The following TMEM132C variants were observed in gnomAD, a reference collection of about 807,000 sequenced individuals.
TMEM132C encodes transmembrane protein 132C, also known as protein phosphatase 1, regulatory subunit 152.
A neutral mutation model predicts 61.4 loss-of-function variants in TMEM132C; 29 were observed. The observed-to-expected ratio is 0.47, with a 90% confidence interval of 0.35 to 0.64. The LOEUF (loss-of-function observed/expected upper bound fraction) is 0.64. TMEM132C is among the 30% of genes least tolerant of loss of function. The pLI is 0.00. For synonymous variants in TMEM132C, 656 were observed against 633.1 expected, an observed-to-expected ratio of 1.04 and a Z score of -0.54; for missense variants, 1,408 against 1,476.9, an observed-to-expected ratio of 0.95 and a Z score of 0.76.
chr12:128,520,698 G>A (rs1872878148), intron 2 of TMEM132C, among the ~76,000 whole-genome samples: 1 of 152,192 alleles, frequency 6.6e-6, no homozygotes, highest in Non-Finnish European at 1.5e-5. Context: ...AAGAATTAAA[G>A]CAAGAGGAGA....
chr12:128,377,664 G>C (rs1713616), intron 1 of TMEM132C, among the ~76,000 whole-genome samples: 145,191 of 152,294 alleles, frequency 0.95, 69,616 homozygotes, highest in East Asian at 1. Flanking sequence ...GTGTCCTGAT[G>C]GTGATGAAAA....
At chr12:128,486,907 AC>A (rs1565950565) in intron 2 of TMEM132C, among the ~76,000 whole-genome samples, 257 of 120,088 alleles carry the variant, frequency 2.1e-3, no homozygotes, top group African/African-American at 7.8e-3. Context: ...ACACACACAC[AC>A]ACACACACAC....
intron 3 of TMEM132C, among the ~76,000 whole-genome samples, chr12:128,586,038 C>T (rs561238363): frequency 2.0e-5 from 3 of 151,988 alleles, no homozygotes; most frequent in African/African-American, 4.8e-5. Flanking sequence ...CGGTGCAGAT[C>T]GCAAATTTTA....
intron 4 of TMEM132C, among the ~76,000 whole-genome samples, chr12:128,656,430 C>G (rs1375455206): frequency 6.6e-6 from 1 of 152,180 alleles, no homozygotes; most frequent in Non-Finnish European, 1.5e-5. Context: ...TCTATATTCC[C>G]AGTAGCAGGA....
chr12:128,609,868 C>G (rs527401650), intron 3 of TMEM132C, among the ~76,000 whole-genome samples: 1 of 152,346 alleles, frequency 6.6e-6, no homozygotes, highest in East Asian at 1.9e-4. Flanking sequence ...ACTGTCCTCT[C>G]TAGAACTGGC....
At chr12:128,571,140 A>T (rs1034766417) in intron 3 of TMEM132C, among the ~76,000 whole-genome samples, 20 of 152,340 alleles carry the variant, frequency 1.3e-4, no homozygotes, top group African/African-American at 4.8e-4. Flanking sequence ...CCAAAAAAAT[A>T]AAAAGCCAGT....
chr12:128,410,266 C>T (rs1199981876), intron 1 of TMEM132C, among the ~76,000 whole-genome samples: 6 of 152,134 alleles, frequency 3.9e-5, no homozygotes, highest in Admixed American at 3.9e-4. Flanking sequence ...CAAATGGTGA[C>T]ATTTGACCAT....
chr12:128,561,626 G>C (rs1565974892), intron 3 of TMEM132C, among the ~76,000 whole-genome samples: 1 of 152,216 alleles, frequency 6.6e-6, no homozygotes, highest in East Asian at 1.9e-4. Context: ...GGTTAGAAAA[G>C]ATGCATGCCA....
intron 2 of TMEM132C, among the ~76,000 whole-genome samples, chr12:128,532,360 C>T (rs574051345): frequency 5.9e-5 from 9 of 151,746 alleles, no homozygotes; most frequent in East Asian, 5.8e-4. Flanking sequence ...AAAAGGAGGC[C>T]GGGCGCAGTG....
At chr12:128,483,214 G>A (rs926211353) in intron 2 of TMEM132C, among the ~76,000 whole-genome samples, 2 of 148,694 alleles carry the variant, frequency 1.3e-5, no homozygotes, top group African/African-American at 2.5e-5. Context: ...GTTGCAGTGA[G>A]CTGTGATTAT....
chr12:128,269,995 G>A (rs892257724), intron 1 of TMEM132C, among the ~76,000 whole-genome samples: 2 of 152,178 alleles, frequency 1.3e-5, no homozygotes, highest in Non-Finnish European at 2.9e-5. Flanking sequence ...TTCTTGGGAG[G>A]TTCCATAAAT....
At chr12:128,559,218 A>C (rs1874433025) in intron 3 of TMEM132C, among the ~76,000 whole-genome samples, 1 of 151,234 alleles carries the variant, frequency 6.6e-6, no homozygotes, top group South Asian at 2.1e-4. Flanking sequence ...CTGCAACTTC[A>C]AACAATTTTT....
intron 3 of TMEM132C, among the ~76,000 whole-genome samples, chr12:128,548,569 C>T (rs1314893618): frequency 2.0e-5 from 3 of 152,176 alleles, no homozygotes; most frequent in Non-Finnish European, 4.4e-5. Context: ...TGATCCTTAA[C>T]CTAATCACAT....
In TMEM132C at chr12:128,267,372, C is replaced by A. The variant is rs1477697090; in HGVS notation, c.-31C>A. On this transcript the variant is annotated 5_prime_UTR_variant, in exon 1 of 9. Transcript: ENST00000435159. ...GGGCGGGCGCTGCGCTTCGGGCTGG[C>A]GGCGGGCTGCGTGAGCGGCCGGGAC... 2 of 1,061,186 alleles carry A rather than the reference C, an allele frequency of 1.9e-6. No individual in the cohort carries two copies. Among genetic ancestry groups the A allele is most frequent in the Non-Finnish European group, 2.3e-6 (2 of 880,096 alleles). 65.7% of individuals were successfully genotyped at this position (1,061,186 alleles called of 1,614,324 possible). A position where few individuals can be genotyped will look rare whatever the true frequency, so the allele number is the denominator to read the frequency against.
intron 2 of TMEM132C, among the ~76,000 whole-genome samples, chr12:128,489,221 G>A (rs559067249): frequency 3.7e-4 from 56 of 152,186 alleles, no homozygotes; most frequent in Non-Finnish European, 6.9e-4. Context: ...AGACGAGGGT[G>A]GAAGGGCAGG....
chr12:128,671,116 T>G (rs1424840764), intron 5 of TMEM132C, among the ~76,000 whole-genome samples: 4 of 152,200 alleles, frequency 2.6e-5, no homozygotes, highest in African/African-American at 9.7e-5. Context: ...AAATAAAGTT[T>G]TATTGGGACA....
chr12:128,346,523 C>A (rs1014521182), intron 1 of TMEM132C, among the ~76,000 whole-genome samples: 3 of 152,086 alleles, frequency 2.0e-5, no homozygotes, highest in South Asian at 2.1e-4. Context: ...AATATTAGTT[C>A]TTTCTATCCA....
intron 1 of TMEM132C, among the ~76,000 whole-genome samples, chr12:128,306,206 C>CTTTTTTT (rs34273117): frequency 2.2e-5 from 3 of 136,944 alleles, no homozygotes; most frequent in African/African-American, 5.4e-5. Flanking sequence ...TGAAGAAATT[C>CTTTTTTT]TTTTTTTTTT....
intron 2 of TMEM132C, among the ~76,000 whole-genome samples, chr12:128,491,120 C>G (rs1349365266): frequency 1.3e-5 from 2 of 152,110 alleles, no homozygotes; most frequent in African/African-American, 4.8e-5. Context: ...CTGTTGTGGC[C>G]AAACAGAAGG....
Sources: allele counts gnomAD v4.1 joint callset (sites outside exome capture counted in the v4.1 genomes callset), GRCh38; gene constraint gnomAD v4.1.1; transcripts MANE v1.5; gene names NCBI Gene and HGNC (gene_info 2026-07-23, HGNC 2026-07-21).